The following SAMMSON variants were observed in gnomAD, a reference collection of about 807,000 sequenced individuals.
The protein encoded by SAMMSON is survival associated mitochondrial melanoma specific oncogenic non-coding RNA, also known as long intergenic non-protein coding RNA 1212.
intron 4 of SAMMSON, among the ~76,000 whole-genome samples, chr3:70,181,694 A>G (rs1243550853): frequency 1.3e-5 from 2 of 152,230 alleles, no homozygotes; most frequent in Non-Finnish European, 1.5e-5. Flanking sequence ...TTTTGAAAAC[A>G]TGATCACAAG....
intron 3 of SAMMSON, among the ~76,000 whole-genome samples, chr3:70,036,670 T>C (rs1056404235): frequency 3.3e-5 from 5 of 152,096 alleles, no homozygotes; most frequent in Admixed American, 2.0e-4. Flanking sequence ...TCATAATGAA[T>C]TCAACCCATA....
Position 70,081,162 on chromosome 3 carries a change from G to A in SAMMSON, n.507+9597G>A, listed in dbSNP as rs112981168. Reference sequence around the variant, plus strand: ...GGAGTCTCACTCTGTCACCCAGGCTGGAGTGCAGTGGCGCGATCTCTGCTC... The same window carrying A: ...GGAGTCTCACTCTGTCACCCAGGCTAGAGTGCAGTGGCGCGATCTCTGCTC... On this transcript the variant is annotated intron_variant and non_coding_transcript_variant, in intron 4 of 9. Coordinates refer to ENST00000642114, the Ensembl canonical transcript of SAMMSON. Among the ~76,000 whole-genome samples, 1,090 of 152,316 alleles carry A rather than the reference G, an allele frequency of 7.2e-3. 18 individuals are homozygous for A. The highest frequency in any genetic ancestry group is 0.025 in the African/African-American group (1,032 of 41,562).
At chr3:70,117,387 G>A (rs1200517044) in intron 4 of SAMMSON, among the ~76,000 whole-genome samples, 7 of 152,164 alleles carry the variant, frequency 4.6e-5, no homozygotes, top group Admixed American at 4.6e-4. Flanking sequence ...ATTCATCATA[G>A]TTTAAAATAG....
intron 4 of SAMMSON, chr3:70,124,979 T>A: frequency 1.5e-6 from 1 of 645,936 alleles, no homozygotes; most frequent in Non-Finnish European, 2.8e-6. Context: ...TATGCACAGT[T>A]CCATAGTCCA....
chr3:70,273,671 A>T (rs77412059), intron 6 of SAMMSON, among the ~76,000 whole-genome samples: 5,092 of 152,316 alleles, frequency 0.033, 279 homozygotes, highest in African/African-American at 0.12. Context: ...CTTGGCACAC[A>T]TATGCTGCCA....
chr3:70,006,891 TGTG>T (rs775258183), intron 1 of SAMMSON, among the ~76,000 whole-genome samples: 1 of 147,392 alleles, frequency 6.8e-6, no homozygotes, highest in Non-Finnish European at 1.5e-5. Context: ...AGTGAGAACA[TGTG>T]GTGTTTGGTT....
intron 4 of SAMMSON, among the ~76,000 whole-genome samples, chr3:70,154,265 C>G (rs894642534): frequency 1.3e-5 from 2 of 151,960 alleles, no homozygotes; most frequent in Non-Finnish European, 2.9e-5. Flanking sequence ...ATTCTATGTA[C>G]TTTGCATGTG....
At chr3:70,429,087 T>C (rs1469927172) in intron 2 of SAMMSON, among the ~76,000 whole-genome samples, 2 of 152,252 alleles carry the variant, frequency 1.3e-5, no homozygotes, top group African/African-American at 4.8e-5. Context: ...AGGTTTTTTT[T>C]TATGGTTTTA....
chr3:70,433,746 TC>T (rs979785827), intron 2 of SAMMSON, among the ~76,000 whole-genome samples: 1 of 152,094 alleles, frequency 6.6e-6, no homozygotes, highest in Admixed American at 6.6e-5. Flanking sequence ...CACCTAGATT[TC>T]CCCCCATGTT....
At chr3:70,369,520 CT>C (rs71126500) in intron 9 of SAMMSON, among the ~76,000 whole-genome samples, 94 of 144,968 alleles carry the variant, frequency 6.5e-4, no homozygotes, top group East Asian at 8.0e-4. Context: ...CTTTTATATT[CT>C]TTTTTTTTTT....
Position 70,227,017 on chromosome 3 carries a change from A to G in SAMMSON, n.508-22090A>G, listed in dbSNP as rs546005479. 9.8e-5 allele frequency among the ~76,000 whole-genome samples: 15 copies of G among 152,310 alleles called. No homozygotes were observed. The East Asian group carries it at 1.7e-3, about 18-fold the overall frequency. On this transcript the variant is annotated intron_variant and non_coding_transcript_variant, in intron 4 of 9. Transcript: ENST00000642114. The stretch of plus-strand genomic sequence containing the variant: ...GACAGGGGATGGACCTCGAAAAAAT[A>G]CATGCATCTTTTTCCTGGGAAAATA...
At chr3:70,370,996 A>T in intron 9 of SAMMSON, among the ~76,000 whole-genome samples, 1 of 152,020 alleles carries the variant, frequency 6.6e-6, no homozygotes, top group Non-Finnish European at 1.5e-5. Context: ...TTTTGTAAAC[A>T]GTGAGAGAAA....
At chr3:70,254,842 A>G (rs924138724) in intron 6 of SAMMSON, among the ~76,000 whole-genome samples, 1 of 152,192 alleles carries the variant, frequency 6.6e-6, no homozygotes, top group African/African-American at 2.4e-5. Flanking sequence ...TTATTTATGC[A>G]TCCCTTATTT....
chr3:70,213,700 A>T (rs1297042805), intron 4 of SAMMSON, among the ~76,000 whole-genome samples: 4 of 152,102 alleles, frequency 2.6e-5, no homozygotes, highest in African/African-American at 2.4e-5. Flanking sequence ...GTTAGAGGTG[A>T]TTTTTGTTGT....
chr3:70,233,009 T>C (rs1011679379), intron 4 of SAMMSON, among the ~76,000 whole-genome samples: 1 of 152,138 alleles, frequency 6.6e-6, no homozygotes, highest in African/African-American at 2.4e-5. Flanking sequence ...GTTATCATGG[T>C]GAAATACAGT....
At chr3:70,198,345 A>G (rs1367911352) in intron 4 of SAMMSON, among the ~76,000 whole-genome samples, 1 of 152,148 alleles carries the variant, frequency 6.6e-6, no homozygotes, top group Non-Finnish European at 1.5e-5. Context: ...ATAAGCATAT[A>G]GAAGAGATTT....
At chr3:70,010,199 A>G (rs1042395729) in intron 1 of SAMMSON, among the ~76,000 whole-genome samples, 5 of 151,508 alleles carry the variant, frequency 3.3e-5, no homozygotes, top group Admixed American at 3.3e-4. Context: ...ATCCTTGTTA[A>G]CTTTCTGTCT....
chr3:70,321,008 TG>T (rs1396812349), intron 7 of SAMMSON, among the ~76,000 whole-genome samples: 1 of 152,144 alleles, frequency 6.6e-6, no homozygotes, highest in East Asian at 1.9e-4. Flanking sequence ...GAAAAAAACC[TG>T]GGCAAGTCAG....
intron 9 of SAMMSON, among the ~76,000 whole-genome samples, chr3:70,376,687 G>A (rs1032146937): frequency 6.6e-6 from 1 of 151,996 alleles, no homozygotes; most frequent in Non-Finnish European, 1.5e-5. Context: ...TTCTCATCCA[G>A]AGCCAGGCTC....
Sources: allele counts gnomAD v4.1 joint callset (sites outside exome capture counted in the v4.1 genomes callset), GRCh38; gene constraint gnomAD v4.1.1; transcripts MANE v1.5; gene names NCBI Gene and HGNC (gene_info 2026-07-23, HGNC 2026-07-21).